Variants in ARFGEF2 observed in about 807,000 individuals in gnomAD.
The protein encoded by ARFGEF2 is ARF guanine nucleotide exchange factor 2, also known as brefeldin A-inhibited guanine nucleotide-exchange protein 2.
Under a neutral mutation model 219.9 loss-of-function variants are expected in ARFGEF2, and 74 were observed. The observed-to-expected ratio is 0.34, with a 90% CI of 0.28 to 0.41. The LOEUF (loss-of-function observed/expected upper bound fraction) is 0.41. ARFGEF2 is among the 10% of genes least tolerant of loss of function. The probability of loss-of-function intolerance (pLI) is 1.00; values close to 1 mark genes in which losing one functional copy is unlikely to be tolerated. For synonymous variants in ARFGEF2, 733 were observed against 799.2 expected (o/e 0.92, Z 1.40); for missense variants, 1,743 against 2,218.3 (o/e 0.79, Z 4.30).
Position 48,989,587 on chromosome 20 carries a change from G to A in ARFGEF2, c.2717G>A (p.Ser906Asn). 1 of 1,614,226 alleles carries A rather than the reference G, an allele frequency of 6.2e-7. No individual in the cohort carries two copies. The change falls in exon 20 of 39, where the codon AGC (serine) becomes AAC (asparagine). Residue 906 changes from serine (S) to asparagine (N), a missense_variant. Physicochemically the swap from Ser to Asn is conservative, Grantham distance 46. Coordinates refer to ENST00000371917, the MANE Select transcript of ARFGEF2 (RefSeq NM_006420.3). ...LVWTPLLAAY[S>N]IGLQNCDDTE... ...TGGACGCCACTATTGGCAGCCTACA[G>A]CATCGGACTCCAGAACTGTGATGAC...
intron 14 of ARFGEF2, among the ~76,000 whole-genome samples, chr20:48,983,413 A>G (rs1160045782): frequency 3.3e-5 from 5 of 152,188 alleles, no homozygotes; most frequent in African/African-American, 9.7e-5. Context: ...ATTAACTGAC[A>G]TGTTTGATCT....
chr20:48,974,118 ATTTTTTTTT>A (rs57941437), intron 12 of ARFGEF2, among the ~76,000 whole-genome samples: 5 of 70,068 alleles, frequency 7.1e-5, no homozygotes, highest in African/African-American at 1.2e-4. Context: ...TTGAGTGTGA[ATTTTTTTTT>A]TTTTTTTTTT....
In ARFGEF2 at chr20:49,033,343, G is replaced by C; in HGVS notation, c.*144G>C. ...CCTGGAAACGGATGGCCTCTACGCT[G>C]TTCCATCACAGTCTCCAACTAAGGC... On this transcript the variant is annotated 3_prime_UTR_variant, in exon 39 of 39. Transcript: ENST00000371917. The C allele has an allele frequency of 2.3e-6, 2 of 857,018 alleles. No homozygotes were observed. 53.1% of individuals were successfully genotyped at this position (857,018 alleles called of 1,614,324 possible).
In ARFGEF2 at chr20:49,035,878, A is replaced by G. The variant is rs527508554; in HGVS notation, c.*2679A>G. The G allele has an allele frequency of 2.3e-5, 7 of 304,016 alleles. No individual in the cohort carries two copies. The highest frequency in any genetic ancestry group is 4.2e-5 in the Non-Finnish European group (7 of 167,776). The allele number at this position is 304,016 out of a possible 1,614,324, so 18.8% of individuals were successfully genotyped here. A position where few individuals can be genotyped will look rare whatever the true frequency, so the allele number is the denominator to read the frequency against. ...TTCTGATACGCATCTTTAGAGTCAAATATATCTTTTCCCTGTACTCCTCAT... is the reference window on the plus strand; with the variant it reads ...TTCTGATACGCATCTTTAGAGTCAAGTATATCTTTTCCCTGTACTCCTCAT... On this transcript the variant is annotated 3_prime_UTR_variant, in exon 39 of 39. Coordinates refer to ENST00000371917, the MANE Select transcript of ARFGEF2 (RefSeq NM_006420.3).
chr20:49,013,705 T>TC lies in ARFGEF2; in HGVS notation c.4049+14dup. ...AGATGTACGAACAAGGTAACCATGT[T>TC]CCCGTGCGGTGGCCCCTTACATCAC... On this transcript the variant is annotated intron_variant, in intron 29 of 38. Transcript: ENST00000371917. The TC allele has an allele frequency of 6.2e-7, 1 of 1,614,116 alleles. No homozygotes were observed. Among genetic ancestry groups the TC allele is most frequent in the African/African-American group, 1.3e-5 (1 of 75,020 alleles).
intron 34 of ARFGEF2, among the ~76,000 whole-genome samples, chr20:49,019,673 T>C (rs1177739915): frequency 6.6e-6 from 1 of 152,260 alleles, no homozygotes; most frequent in South Asian, 2.1e-4. Flanking sequence ...TGTAGCTGTT[T>C]ACGTGATCTT....
Position 48,989,369 on chromosome 20 carries a change from C to T in ARFGEF2, c.2618C>T (p.Ala873Val), listed in dbSNP as rs2091344378. 6.2e-7 allele frequency: 1 copy of T among 1,614,098 alleles called. No homozygotes were observed. The highest frequency in any genetic ancestry group is 8.5e-7 in the Non-Finnish European group (1 of 1,180,034). Residue 873 changes from alanine to valine, a missense_variant, in exon 19 of 39, where the codon GCT (alanine) becomes GTT (valine). Transcript: ENST00000371917. ...AAAACAGCCAAAGCTCTGATGGAGG[C>T]TGTGAGCCATGCCAAAGCCCCGTTT... ...MAKTAKALME[A>V]VSHAKAPFTS...
chr20:49,030,240 T>C (rs1200753731), intron 37 of ARFGEF2, among the ~76,000 whole-genome samples: 1 of 152,170 alleles, frequency 6.6e-6, no homozygotes, highest in Non-Finnish European at 1.5e-5. Context: ...TTTTACTTAA[T>C]GTGGGAACTT....
intron 34 of ARFGEF2, among the ~76,000 whole-genome samples, chr20:49,019,283 C>T (rs1320464069): frequency 6.6e-6 from 1 of 152,150 alleles, no homozygotes; most frequent in African/African-American, 2.4e-5. Context: ...TATACATTGA[C>T]ATATACATTC....
intron 3 of ARFGEF2, among the ~76,000 whole-genome samples, chr20:48,949,245 A>G (rs2091049983): frequency 1.3e-5 from 2 of 152,192 alleles, no homozygotes; most frequent in Non-Finnish European, 2.9e-5. Flanking sequence ...CGAAAGTCGT[A>G]ATCCATGTCC....
intron 3 of ARFGEF2, among the ~76,000 whole-genome samples, chr20:48,947,006 T>A (rs948530864): frequency 6.6e-6 from 1 of 152,020 alleles, no homozygotes; most frequent in Non-Finnish European, 1.5e-5. Context: ...GGGGTCTTAC[T>A]TTGTTGCCCA....
In ARFGEF2 at chr20:49,013,913, G is replaced by A. The variant is rs765874625; in HGVS notation, c.4132G>A (p.Val1378Met). The A allele has an allele frequency of 4.3e-6, 7 of 1,613,914 alleles. No individual in the cohort carries two copies. In the East Asian group the frequency reaches 8.9e-5, roughly 21 times the overall value. Residue 1378 changes from valine to methionine, a missense_variant, in exon 30 of 39, where the codon GTG (valine) becomes ATG (methionine). Val to Met is a conservative substitution (Grantham distance 21, BLOSUM62 1). Coordinates refer to ENST00000371917, the MANE Select transcript of ARFGEF2 (RefSeq NM_006420.3). The part of the protein sequence containing the change: ...KHWWQDLFRI[V>M]FRIFDNMKLP... ...CTGGTGGCAGGACCTGTTCAGAATC[G>A]TGTTTCGGATTTTTGACAATATGAA...
rs375299657 is a variant in ARFGEF2, at chr20:49,006,960, A to G, written c.3584+1739A>G. Among the ~76,000 whole-genome samples the G allele has an allele frequency of 2.0e-5, 3 of 151,260 alleles. No homozygotes were observed. In the South Asian group the frequency reaches 6.3e-4, roughly 32 times the overall value. ...CTCCCAAAGTGCTGGGATTACAGGC[A>G]CGAGCTACCGTGGCCGGCCTGCCAT... On this transcript the variant is annotated intron_variant, in intron 26 of 38. Coordinates refer to ENST00000371917, the MANE Select transcript of ARFGEF2 (RefSeq NM_006420.3).
In ARFGEF2 at chr20:48,958,372, C is replaced by G. The variant is rs570636777; in HGVS notation, c.838+4582C>G. Among the ~76,000 whole-genome samples the G allele has an allele frequency of 3.9e-5, 6 of 152,240 alleles. No homozygotes were observed. In the East Asian group the frequency reaches 5.8e-4, roughly 15 times the overall value. ...GGGACCCGGACCAGGCATGCAGGCT[C>G]CAGAGCCCTCGCTGTTATTCATCAT... On this transcript the variant is annotated intron_variant, in intron 6 of 38. Coordinates refer to ENST00000371917, the MANE Select transcript of ARFGEF2 (RefSeq NM_006420.3).
In ARFGEF2 at chr20:49,005,236, C is replaced by T. The variant is rs772669444; in HGVS notation, c.3584+15C>T. ...AAGAAAAACAGGTATGTGTTTTGCT[C>T]TGGAAGACGCTTGGTCAAATTCCCC... is the stretch of plus-strand genomic sequence containing the variant. On this transcript the variant is annotated intron_variant, in intron 26 of 38. Transcript: ENST00000371917. The T allele has an allele frequency of 3.9e-5, 63 of 1,613,822 alleles. 1 individual carries two copies. Among genetic ancestry groups the T allele is most frequent in the Middle Eastern group, 3.3e-4 (2 of 6,084 alleles).
chr20:48,950,518 GGC>G (rs1244195991), intron 3 of ARFGEF2, among the ~76,000 whole-genome samples: 1 of 151,818 alleles, frequency 6.6e-6, no homozygotes, highest in Non-Finnish European at 1.5e-5. Context: ...ATTCAAGCCA[GGC>G]GCGGTGGCTC....
In ARFGEF2 at chr20:48,971,229, C is replaced by T; in HGVS notation, c.1300C>T (p.Gln434Ter). 6.2e-7 allele frequency: 1 copy of T among 1,614,168 alleles called. No individual in the cohort carries two copies. The highest frequency in any genetic ancestry group is 1.6e-4 in the Middle Eastern group (1 of 6,062). Residue 434 changes from glutamine (Q) to a stop codon, truncating the protein, a stop_gained, in exon 10 of 39, where the codon CAA becomes TAA. Transcript: ENST00000371917. LOFTEE classifies it high-confidence loss of function. ...CGAGATGTTCATCAATGCAATCAAG[C>T]AATATCTCTGTGTGGCCTTGTCCAA... ...THEMFINAIK[Q>*]YLCVALSKNG...
At chr20:48,970,990 T>G in intron 9 of ARFGEF2, 130 bp from the exon 10 acceptor site, 1 of 795,264 alleles carries the variant, frequency 1.3e-6, no homozygotes, top group Non-Finnish European at 2.2e-6. Context: ...GCCCTCATTC[T>G]CCTGACATTT....
At chr20:49,026,716 G>T (rs956577521) in intron 36 of ARFGEF2, among the ~76,000 whole-genome samples, 40 of 151,532 alleles carry the variant, frequency 2.6e-4, no homozygotes, top group African/African-American at 8.7e-4. Context: ...CTTCCAAGTA[G>T]TTGGGTTTAC....
Sources: allele counts gnomAD v4.1 joint callset (sites outside exome capture counted in the v4.1 genomes callset), GRCh38; gene constraint gnomAD v4.1.1; transcripts MANE v1.5; gene names NCBI Gene and HGNC (gene_info 2026-07-23, HGNC 2026-07-21).